The following UQCC1 variants were observed in gnomAD, a reference collection of about 807,000 sequenced individuals.
UQCC1 encodes the protein bFGF-repressed Zic-binding protein.
UQCC1 carries 38 observed loss-of-function variants against 48.0 expected under a neutral mutation model. The observed-to-expected ratio is 0.79, with a 90% CI of 0.61 to 1.04. UQCC1 has a LOEUF of 1.04. UQCC1 is among the 50% of genes least tolerant of loss of function. The pLI is 0.00. For synonymous variants in UQCC1, 111 were observed against 129.2 expected (o/e 0.86, Z 0.95); for missense variants, 368 against 381.8 (o/e 0.96, Z 0.30).
chr20:35,326,270 T>C (rs2061192723), intron 7 of UQCC1, among the ~76,000 whole-genome samples: 1 of 152,180 alleles, frequency 6.6e-6, no homozygotes. Flanking sequence ...GGGGAGGCCA[T>C]GACTTGCATG....
chr20:35,335,440 C>T lies in UQCC1; in HGVS notation c.573+11724G>A, dbSNP rs150897532. Among the ~76,000 whole-genome samples the T allele has an allele frequency of 1.4e-3, 212 of 151,684 alleles. 1 individual carries two copies. The highest frequency in any genetic ancestry group is 1.9e-3 in the African/African-American group (79 of 41,322). On this transcript the variant is annotated intron_variant, in intron 7 of 9. Coordinates refer to ENST00000374385, the MANE Select transcript of UQCC1 (RefSeq NM_018244.5). ...TATCCCAAAAAGGAATGATGTCGGT[C>T]GGGGGAGTTGAGCAAAAAATAAATA... is the stretch of plus-strand genomic sequence containing the variant.
chr20:35,365,352 T>G (rs1398934031), intron 6 of UQCC1, among the ~76,000 whole-genome samples: 1 of 152,158 alleles, frequency 6.6e-6, no homozygotes, highest in Non-Finnish European at 1.5e-5. Context: ...ACTAAACTAC[T>G]GCTTAGAAAA....
At chr20:35,368,874 A>G (rs1409470535) in intron 5 of UQCC1, among the ~76,000 whole-genome samples, 1 of 152,190 alleles carries the variant, frequency 6.6e-6, no homozygotes, top group African/African-American at 2.4e-5. Context: ...AGCTATTAAG[A>G]CACATGCCAT....
chr20:35,384,453 G>A (rs1342272209), intron 2 of UQCC1: 3 of 334,404 alleles, frequency 9.0e-6, no homozygotes, highest in Non-Finnish European at 1.8e-5. Context: ...TCAGCCTGGG[G>A]AACATAGCAA....
intron 7 of UQCC1, among the ~76,000 whole-genome samples, chr20:35,334,405 C>T (rs2061291571): frequency 1.3e-5 from 2 of 152,108 alleles, no homozygotes; most frequent in African/African-American, 2.4e-5. Flanking sequence ...AAGAATGTCA[C>T]CAAACAAAGC....
intron 1 of UQCC1, among the ~76,000 whole-genome samples, chr20:35,404,711 G>C (rs1434274039): frequency 6.6e-6 from 1 of 150,880 alleles, no homozygotes; most frequent in East Asian, 1.9e-4. Context: ...AAAAGAACTG[G>C]CATTATTCAA....
At chr20:35,408,806 G>C (rs977323314) in intron 1 of UQCC1, among the ~76,000 whole-genome samples, 12 of 151,554 alleles carry the variant, frequency 7.9e-5, no homozygotes, top group African/African-American at 2.4e-4. Flanking sequence ...AGTGAGCTAT[G>C]ATTGAGCCAC....
intron 6 of UQCC1, among the ~76,000 whole-genome samples, chr20:35,347,951 A>G (rs540203047): frequency 2.0e-5 from 3 of 152,234 alleles, no homozygotes; most frequent in Admixed American, 6.5e-5. Context: ...AATTACATAC[A>G]TGGCTTGCGT....
chr20:35,357,481 T>C (rs1208102277), intron 6 of UQCC1, among the ~76,000 whole-genome samples: 4 of 150,206 alleles, frequency 2.7e-5, no homozygotes, highest in Admixed American at 6.7e-5. Flanking sequence ...GTTCACACCA[T>C]TGCACTCCAG....
At chr20:35,397,638 A>T (rs756889325) in intron 1 of UQCC1, among the ~76,000 whole-genome samples, 2 of 152,130 alleles carry the variant, frequency 1.3e-5, no homozygotes, top group Non-Finnish European at 2.9e-5. Context: ...TTTACATAGC[A>T]CCTATATTGT....
chr20:35,405,283 T>C (rs2062234946), intron 1 of UQCC1, among the ~76,000 whole-genome samples: 1 of 152,122 alleles, frequency 6.6e-6, no homozygotes, highest in South Asian at 2.1e-4. Flanking sequence ...AGCAGAGACT[T>C]CAGTAGCCAC....
intron 6 of UQCC1, among the ~76,000 whole-genome samples, chr20:35,364,983 C>T (rs912172658): frequency 1.3e-5 from 2 of 152,258 alleles, no homozygotes; most frequent in South Asian, 2.1e-4. Context: ...TACAGTGCCA[C>T]CTCTACAGTC....
intron 6 of UQCC1, among the ~76,000 whole-genome samples, chr20:35,363,276 T>G (rs1011199531): frequency 6.6e-6 from 1 of 152,160 alleles, no homozygotes; most frequent in African/African-American, 2.4e-5. Flanking sequence ...ATGATGCCAG[T>G]GGCCAAGACA....
At chr20:35,382,123 T>C (rs1168801649) in intron 3 of UQCC1, 98 bp from the exon 4 acceptor site, 6 of 693,090 alleles carry the variant, frequency 8.7e-6, no homozygotes, top group Non-Finnish European at 1.2e-5. Context: ...TTTTTTTAAA[T>C]ACAGTCAGGG....
intron 1 of UQCC1, among the ~76,000 whole-genome samples, chr20:35,398,986 G>C (rs539233182): frequency 6.6e-6 from 1 of 152,098 alleles, no homozygotes; most frequent in African/African-American, 2.4e-5. Flanking sequence ...AACAATTCTT[G>C]TCCAAATCCT....
At chr20:35,393,999 A>T in intron 2 of UQCC1, 93 bp downstream of exon 2, 1 of 1,245,782 alleles carries the variant, frequency 8.0e-7, no homozygotes, top group South Asian at 1.2e-5. Flanking sequence ...AGGTTTTTCC[A>T]TCACACAATT....
At chr20:35,410,630 G>A (rs1479277863) in intron 1 of UQCC1, among the ~76,000 whole-genome samples, 1 of 141,030 alleles carries the variant, frequency 7.1e-6, no homozygotes, top group Non-Finnish European at 1.5e-5. Flanking sequence ...GCTTGAACCC[G>A]GGAGCAGAAG....
chr20:35,381,333 T>C (rs2061864969), intron 4 of UQCC1, among the ~76,000 whole-genome samples: 2 of 152,102 alleles, frequency 1.3e-5, no homozygotes, highest in African/African-American at 4.8e-5. Context: ...ATGTTGCCAA[T>C]CAGAACATTT....
chr20:35,373,420 T>C (rs2061756843), intron 5 of UQCC1, among the ~76,000 whole-genome samples: 1 of 152,210 alleles, frequency 6.6e-6, no homozygotes, highest in Admixed American at 6.5e-5. Context: ...GGCTCACGCC[T>C]GTAATCCCAG....
Sources: gnomAD v4.1 joint callset for allele counts (sites outside exome capture counted in the v4.1 genomes callset) on GRCh38, gnomAD v4.1.1 for gene constraint, MANE v1.5 for transcripts, NCBI Gene and HGNC (gene_info 2026-07-23, HGNC 2026-07-21) for gene names.